Variants in ENPP2 observed in about 807,000 individuals in gnomAD.
The protein encoded by ENPP2 is autotaxin.
A neutral mutation model predicts 120.2 loss-of-function variants in ENPP2; 51 were observed. That is an observed-to-expected ratio of 0.42 (90% confidence interval 0.34 to 0.54). The LOEUF is 0.54. ENPP2 is among the 20% of genes least tolerant of loss of function. The pLI, the probability that ENPP2 is intolerant of heterozygous loss-of-function variation, is 0.04. For synonymous variants in ENPP2, 365 were observed against 366.4 expected (o/e 1.00, Z 0.04); for missense variants, 920 against 1,066.5 (o/e 0.86, Z 1.91).
chr8:119,561,585 G>A (rs985782298), intron 24 of ENPP2, among the ~76,000 whole-genome samples: 1 of 151,978 alleles, frequency 6.6e-6, no homozygotes, highest in Non-Finnish European at 1.5e-5. Context: ...GTTAGTACAG[G>A]GCCAGGAGCA....
intron 24 of ENPP2, among the ~76,000 whole-genome samples, chr8:119,559,065 G>A (rs1301687350): frequency 6.6e-6 from 1 of 152,156 alleles, no homozygotes; most frequent in South Asian, 2.1e-4. Context: ...GCAGGCTGGG[G>A]AGGTAAGAAT....
chr8:119,594,365 T>C (rs2130482335), intron 11 of ENPP2, among the ~76,000 whole-genome samples: 1 of 152,350 alleles, frequency 6.6e-6, no homozygotes, highest in African/African-American at 2.4e-5. Flanking sequence ...GTAATTTAAC[T>C]GTTGGCATCT....
At chr8:119,587,727 AACTGTGG>A (rs1002701519) in intron 13 of ENPP2, among the ~76,000 whole-genome samples, 6 of 152,224 alleles carry the variant, frequency 3.9e-5, no homozygotes, top group Non-Finnish European at 8.8e-5. Context: ...GCTGTGCATA[AACTGTGG>A]ACAGGATTAT....
At chr8:119,571,968 G>T in intron 19 of ENPP2, 1 of 513,700 alleles carries the variant, frequency 1.9e-6, no homozygotes, top group Non-Finnish European at 3.5e-6. Context: ...AGCCTGTTCT[G>T]GGTAGTTCGG....
chr8:119,611,927 G>A (rs1174271873), intron 8 of ENPP2, among the ~76,000 whole-genome samples: 1 of 152,190 alleles, frequency 6.6e-6, no homozygotes, highest in African/African-American at 2.4e-5. Context: ...TACCCAGGAG[G>A]TAGAGGTATG....
At chr8:119,627,743 T>C (rs1816380969) in intron 2 of ENPP2, among the ~76,000 whole-genome samples, 1 of 151,924 alleles carries the variant, frequency 6.6e-6, no homozygotes, top group Non-Finnish European at 1.5e-5. Flanking sequence ...GTGCCTGTAA[T>C]ATCAGCTACT....
intron 1 of ENPP2, among the ~76,000 whole-genome samples, chr8:119,666,003 T>A (rs1250679168): frequency 6.6e-6 from 1 of 152,134 alleles, no homozygotes; most frequent in Non-Finnish European, 1.5e-5. Flanking sequence ...TAGAATACAA[T>A]ACACCCATTG....
At chr8:119,659,274 G>A (rs1253649040) in intron 1 of ENPP2, among the ~76,000 whole-genome samples, 1 of 141,070 alleles carries the variant, frequency 7.1e-6, no homozygotes, top group African/African-American at 2.7e-5. Context: ...CCGAGGTGGT[G>A]CCACTGCACT....
chr8:119,635,240 A>G (rs796921575), intron 2 of ENPP2, among the ~76,000 whole-genome samples: 4 of 152,358 alleles, frequency 2.6e-5, no homozygotes, highest in African/African-American at 7.2e-5. Context: ...GACAGTCTAC[A>G]TTTCATATGA....
At chr8:119,664,558 T>C (rs1818016384) in intron 1 of ENPP2, among the ~76,000 whole-genome samples, 1 of 152,220 alleles carries the variant, frequency 6.6e-6, no homozygotes, top group African/African-American at 2.4e-5. Flanking sequence ...GTACTGAGTG[T>C]TACCAGCTGA....
intron 2 of ENPP2, among the ~76,000 whole-genome samples, chr8:119,635,498 AAGTGCACATG>A (rs1816944794): frequency 6.6e-6 from 1 of 152,248 alleles, no homozygotes; most frequent in South Asian, 2.1e-4. Context: ...TACACACTGC[AAGTGCACATG>A]AGTGCACAGA....
chr8:119,606,190 G>GA (rs1275508352), intron 9 of ENPP2, among the ~76,000 whole-genome samples: 1 of 152,014 alleles, frequency 6.6e-6, no homozygotes. Flanking sequence ...AAAAAAAGGG[G>GA]AAAAAATGAA....
chr8:119,601,354 G>T, intron 10 of ENPP2, 43 bp downstream of exon 10: 1 of 1,309,018 alleles, frequency 7.6e-7, no homozygotes, highest in Non-Finnish European at 1.1e-6. Flanking sequence ...TCTAAACTAA[G>T]ATAGAAATGT....
At chr8:119,620,394 A>C (rs1281244474) in intron 4 of ENPP2, among the ~76,000 whole-genome samples, 1 of 152,238 alleles carries the variant, frequency 6.6e-6, no homozygotes, top group East Asian at 1.9e-4. Flanking sequence ...GGTAGGGGAA[A>C]TTAACAATAC....
At chr8:119,633,263 AG>A (rs1385159343) in intron 2 of ENPP2, among the ~76,000 whole-genome samples, 1 of 152,220 alleles carries the variant, frequency 6.6e-6, no homozygotes, top group Middle Eastern at 3.2e-3. Context: ...GGCCAATAGA[AG>A]AGGCAGTATT....
intron 1 of ENPP2, among the ~76,000 whole-genome samples, chr8:119,654,482 TATATA>T (rs1004517570): frequency 1.0e-4 from 15 of 146,668 alleles, no homozygotes; most frequent in African/African-American, 2.2e-4. Flanking sequence ...TATATTATTA[TATATA>T]ATATGTTATA....
rs1327707708 is a variant in ENPP2 at position 119,620,087 on chromosome 8, T to A, written c.419-783A>T. ...CTCTGGTCAATAAGACTCTAACTAC[T>A]GGACAATGGGGTAACTATTATGCTC... is the stretch of plus-strand genomic sequence containing the variant. On this transcript the variant is annotated intron_variant, in intron 4 of 24. Transcript: ENST00000075322. 2.6e-5 allele frequency among the ~76,000 whole-genome samples: 4 copies of A among 152,184 alleles called. No individual in the cohort carries two copies. In the East Asian group the frequency reaches 5.8e-4, roughly 22 times the overall value.
At chr8:119,660,008 T>A (rs1283099801) in intron 1 of ENPP2, among the ~76,000 whole-genome samples, 2 of 152,202 alleles carry the variant, frequency 1.3e-5, no homozygotes, top group East Asian at 3.9e-4. Context: ...GCCAAGGGAC[T>A]AAGAAATGTG....
intron 24 of ENPP2, 121 bp from the exon 25 acceptor site, chr8:119,557,812 G>T: frequency 1.4e-6 from 1 of 739,122 alleles, no homozygotes; most frequent in Non-Finnish European, 2.1e-6. Context: ...GCCAACGCAT[G>T]TTGATCCTTC....
Sources: allele counts gnomAD v4.1 joint callset (sites outside exome capture counted in the v4.1 genomes callset), GRCh38; gene constraint gnomAD v4.1.1; transcripts MANE v1.5; gene names NCBI Gene and HGNC (gene_info 2026-07-23, HGNC 2026-07-21).